The following EPHA6 variants were observed in gnomAD, a reference collection of about 807,000 sequenced individuals.
EPHA6 encodes ephrin type-A receptor 6.
A neutral mutation model predicts 112.0 loss-of-function variants in EPHA6; 50 were observed. The observed-to-expected ratio is 0.45, with a 90% CI of 0.36 to 0.56. The LOEUF (loss-of-function observed/expected upper bound fraction) is 0.56, where lower values mean the gene tolerates loss of function less well. Among genes scored for constraint, EPHA6 ranks in the 20% least tolerant of loss-of-function variants. EPHA6 has a pLI of 0.00. For missense variants in EPHA6, 1,280 were observed against 1,417.4 expected, an observed-to-expected ratio of 0.90 and a Z score of 1.56; for synonymous variants, 529 against 490.7, an observed-to-expected ratio of 1.08 and a Z score of -1.03.
At chr3:96,852,937 G>T (rs991886396) in intron 1 of EPHA6, among the ~76,000 whole-genome samples, 1 of 152,038 alleles carries the variant, frequency 6.6e-6, no homozygotes, top group Non-Finnish European at 1.5e-5. Flanking sequence ...AGGTGACTAG[G>T]ATATAACTGT....
intron 1 of EPHA6, among the ~76,000 whole-genome samples, chr3:96,842,762 G>T (rs765853116): frequency 6.6e-5 from 10 of 151,934 alleles, no homozygotes; most frequent in Non-Finnish European, 1.3e-4. Context: ...TATAAGCAGA[G>T]AAAATTCCCC....
chr3:97,576,689 C>A (rs1029721987), intron 11 of EPHA6, among the ~76,000 whole-genome samples: 1 of 152,022 alleles, frequency 6.6e-6, no homozygotes, highest in Non-Finnish European at 1.5e-5. Flanking sequence ...AAACCTCTTT[C>A]GTGTATAAAA....
rs193024321 is a variant in EPHA6 at position 97,480,968 on chromosome 3, A to G, written c.2074+1604A>G. Among the ~76,000 whole-genome samples, 147 of 149,274 alleles carry G rather than the reference A, an allele frequency of 9.8e-4. 3 individuals are homozygous for G. In the East Asian group the frequency reaches 0.024, roughly 24 times the overall value. ...CTTCCTAGACGGGATGGCGGCCGGG[A>G]AGAGGCGCTCCTCACTTCCCAGACT... On this transcript the variant is annotated intron_variant, in intron 9 of 17. Coordinates refer to ENST00000389672, the MANE Select transcript of EPHA6 (RefSeq NM_001080448.3).
At chr3:97,050,878 TA>T (rs1397191703) in intron 3 of EPHA6, among the ~76,000 whole-genome samples, 1 of 152,192 alleles carries the variant, frequency 6.6e-6, no homozygotes, top group Non-Finnish European at 1.5e-5. Context: ...TATTTAGGAA[TA>T]AAGTAGAGAT....
At chr3:97,561,302 C>T (rs1390439643) in intron 11 of EPHA6, among the ~76,000 whole-genome samples, 1 of 152,042 alleles carries the variant, frequency 6.6e-6, no homozygotes, top group Non-Finnish European at 1.5e-5. Context: ...TAAACTAAGC[C>T]TCTTGTGCCA....
chr3:97,503,979 C>A (rs906403094), intron 10 of EPHA6, among the ~76,000 whole-genome samples: 1 of 152,086 alleles, frequency 6.6e-6, no homozygotes, highest in Non-Finnish European at 1.5e-5. Context: ...TGCTGTGGAG[C>A]ATTTAGGGTT....
In EPHA6 at chr3:96,862,857, G is replaced by A. The variant is rs145404691; in HGVS notation, c.386-3968G>A. Among the ~76,000 whole-genome samples, 303 of 151,868 alleles carry A rather than the reference G, an allele frequency of 2.0e-3. 2 individuals carry two copies. The highest frequency in any genetic ancestry group is 6.9e-3 in the African/African-American group (288 of 41,514). Reference sequence around the variant, plus strand: ...AAATTTGTGTTTATCATTTGATATTGTCTTTTAAAACATTATGAAATTTTC... The same window carrying A: ...AAATTTGTGTTTATCATTTGATATTATCTTTTAAAACATTATGAAATTTTC... On this transcript the variant is annotated intron_variant, in intron 1 of 17. Transcript: ENST00000389672.
intron 3 of EPHA6, among the ~76,000 whole-genome samples, chr3:97,049,463 T>C (rs1257216871): frequency 2.0e-5 from 3 of 152,156 alleles, no homozygotes; most frequent in Non-Finnish European, 1.5e-5. Context: ...ATGATGCTGG[T>C]GTTGTATCAT....
intron 1 of EPHA6, among the ~76,000 whole-genome samples, chr3:96,857,682 C>A (rs1264680797): frequency 6.6e-6 from 1 of 150,906 alleles, no homozygotes; most frequent in African/African-American, 2.4e-5. Flanking sequence ...ATTTTTCCTG[C>A]CCATTTCTCT....
intron 3 of EPHA6, among the ~76,000 whole-genome samples, chr3:97,118,416 G>A (rs1346821384): frequency 6.6e-6 from 1 of 151,736 alleles, no homozygotes; most frequent in African/African-American, 2.4e-5. Context: ...TGTCTAATGT[G>A]TACAGTATGT....
Position 97,185,065 on chromosome 3 carries a change from T to A in EPHA6, c.1115-41199T>A, listed in dbSNP as rs539038556. Among the ~76,000 whole-genome samples, 8 of 152,046 alleles carry A rather than the reference T, an allele frequency of 5.3e-5. No homozygotes were observed. In the East Asian group the frequency reaches 5.8e-4, roughly 11 times the overall value. On this transcript the variant is annotated intron_variant, in intron 3 of 17. Transcript: ENST00000389672. Reference sequence around the variant, plus strand: ...CTTACACCTTATACAAAAATTAATTTAAGATGGATTAAAGACTTCAATGTT... The same window carrying A: ...CTTACACCTTATACAAAAATTAATTAAAGATGGATTAAAGACTTCAATGTT...
intron 2 of EPHA6, among the ~76,000 whole-genome samples, chr3:96,969,665 A>G (rs2042245977): frequency 6.6e-6 from 1 of 152,014 alleles, no homozygotes. Flanking sequence ...TTAATAAGAA[A>G]TAACTCTTCT....
chr3:97,266,153 A>C (rs1243057414), intron 5 of EPHA6, among the ~76,000 whole-genome samples: 1 of 152,222 alleles, frequency 6.6e-6, no homozygotes, highest in Non-Finnish European at 1.5e-5. Flanking sequence ...AGACCTGAGC[A>C]TTTAAGGCTT....
At chr3:97,587,814 G>C (rs1321892945) in intron 11 of EPHA6, among the ~76,000 whole-genome samples, 1 of 152,114 alleles carries the variant, frequency 6.6e-6, no homozygotes, top group Non-Finnish European at 1.5e-5. Flanking sequence ...TCCAAGGTTG[G>C]ACACCACTAT....
At chr3:97,190,574 C>T (rs185147978) in intron 3 of EPHA6, among the ~76,000 whole-genome samples, 9 of 152,070 alleles carry the variant, frequency 5.9e-5, no homozygotes, top group Non-Finnish European at 1.0e-4. Flanking sequence ...TTATTGCCTT[C>T]ATTTTTATGA....
chr3:97,121,352 G>A (rs890754400), intron 3 of EPHA6, among the ~76,000 whole-genome samples: 1 of 151,998 alleles, frequency 6.6e-6, no homozygotes, highest in Non-Finnish European at 1.5e-5. Context: ...GAAATATGTT[G>A]AGATAGAAGA....
In EPHA6 at chr3:97,135,639, C is replaced by T. The variant is rs180822047; in HGVS notation, c.1115-90625C>T. Among the ~76,000 whole-genome samples, 466 of 151,842 alleles carry T rather than the reference C, an allele frequency of 3.1e-3. 3 individuals carry two copies. Among genetic ancestry groups the T allele is most frequent in the African/African-American group, 0.01 (424 of 41,368 alleles). On this transcript the variant is annotated intron_variant, in intron 3 of 17. Transcript: ENST00000389672. ...CAGATTCTGATTTGCAATATTTCCT[C>T]TGTAACCTGTAATTCTACAGTGCGA...
intron 3 of EPHA6, among the ~76,000 whole-genome samples, chr3:97,187,437 G>T (rs1366654279): frequency 6.6e-6 from 1 of 151,886 alleles, no homozygotes; most frequent in East Asian, 1.9e-4. Flanking sequence ...GGGCATGGTG[G>T]CAGGCACCTG....
chr3:97,215,338 TG>T (rs2078002902), intron 3 of EPHA6, among the ~76,000 whole-genome samples: 1 of 152,252 alleles, frequency 6.6e-6, no homozygotes, highest in Non-Finnish European at 1.5e-5. Flanking sequence ...TGTGTGTGTA[TG>T]TGACTGAAAG....
Sources: allele counts gnomAD v4.1 joint callset (sites outside exome capture counted in the v4.1 genomes callset), GRCh38; gene constraint gnomAD v4.1.1; transcripts MANE v1.5; gene names NCBI Gene and HGNC (gene_info 2026-07-23, HGNC 2026-07-21).